Variants in MAD1L1 observed in about 807,000 individuals in gnomAD.
MAD1L1 encodes the protein mitotic arrest deficient 1 like 1, also known as mitotic spindle assembly checkpoint protein MAD1.
In MAD1L1, 95 loss-of-function variants were observed where a neutral mutation model predicts 96.9. The ratio of observed to expected loss-of-function variants is 0.98; its 90% CI spans 0.83 to 1.16. MAD1L1 has a LOEUF of 1.16. MAD1L1 is among the 50% of genes most tolerant of loss of function. The pLI, the probability that MAD1L1 is intolerant of heterozygous loss-of-function variation, is 0.00. For synonymous variants in MAD1L1, 473 were observed against 396.6 expected (o/e 1.19, Z -2.29); for missense variants, 1,007 against 954.4 (o/e 1.06, Z -0.73).
chr7:2,154,444 T>A (rs1052677064), intron 10 of MAD1L1, among the ~76,000 whole-genome samples: 9 of 151,964 alleles, frequency 5.9e-5, no homozygotes, highest in Non-Finnish European at 1.0e-4. Flanking sequence ...GTGACTAGAG[T>A]TAACAGTGTA....
At position 2,223,993 on chromosome 7, in the gene MAD1L1, G is replaced by C. The variant is rs377189454; in HGVS notation, c.292-1239C>G. Reference sequence around the variant, plus strand: ...GCTGGAGCTCAGCAGGGAGCCCCAGGTGTAAGCCCAGTCACCTGCATCCTT... The same window carrying C: ...GCTGGAGCTCAGCAGGGAGCCCCAGCTGTAAGCCCAGTCACCTGCATCCTT... On this transcript the variant is annotated intron_variant, in intron 4 of 18. Transcript: ENST00000265854. Among the ~76,000 whole-genome samples, 40 of 152,298 alleles carry C rather than the reference G, an allele frequency of 2.6e-4. No individual in the cohort carries two copies. The East Asian group carries it at 7.5e-3, about 29-fold the overall frequency.
intron 11 of MAD1L1, among the ~76,000 whole-genome samples, chr7:2,080,637 G>A (rs1240053369): frequency 6.6e-6 from 1 of 151,554 alleles, no homozygotes; most frequent in Non-Finnish European, 1.5e-5. Context: ...GAACAGCGCT[G>A]GGCTCTGACG....
intron 10 of MAD1L1, among the ~76,000 whole-genome samples, chr7:2,189,538 A>G (rs1791618516): frequency 6.6e-6 from 1 of 152,232 alleles, no homozygotes; most frequent in South Asian, 2.1e-4. Flanking sequence ...GAAATAAGCC[A>G]GTCACATAAG....
chr7:1,844,122 C>CA (rs1783446809), intron 18 of MAD1L1: 2 of 154,492 alleles, frequency 1.3e-5, no homozygotes, highest in Admixed American at 1.3e-4. Flanking sequence ...TGGCTGGTGT[C>CA]ACGGAGCCTC....
chr7:1,870,805 G>A (rs1351963547), intron 18 of MAD1L1, among the ~76,000 whole-genome samples: 3 of 72,682 alleles, frequency 4.1e-5, no homozygotes, highest in African/African-American at 7.7e-5. Flanking sequence ...CCCAACATAT[G>A]CCTGCCACGC....
At chr7:1,928,321 CGGTCCCT>C (rs1789215289) in intron 17 of MAD1L1, among the ~76,000 whole-genome samples, 2 of 151,668 alleles carry the variant, frequency 1.3e-5, no homozygotes, top group African/African-American at 4.9e-5. Context: ...GACGACCCGC[CGGTCCCT>C]AGAGGAGCCC....
In MAD1L1 at chr7:2,014,627, G is replaced by A. The variant is rs200755320; in HGVS notation, c.1234C>T (p.Arg412Trp). The change falls in exon 13 of 19, where the codon CGG becomes TGG. Residue 412 changes from arginine (R) to tryptophan (W), a missense_variant. By Grantham distance (101) the Arg-to-Trp change is moderately radical. Transcript: ENST00000265854. ...CTGTCGTAGGACCCCAGGATGGCCC[G>A]CATACCGTCCCGCTCCTGTGGACAC... ...LLLTKERDGM[R>W]AILGSYDSEL... 14 of 1,611,074 alleles carry A rather than the reference G, an allele frequency of 8.7e-6. No individual in the cohort carries two copies. Among genetic ancestry groups the A allele is most frequent in the Non-Finnish European group, 1.1e-5 (13 of 1,179,132 alleles).
chr7:2,087,984 C>A (rs181728680), intron 11 of MAD1L1, among the ~76,000 whole-genome samples: 2 of 152,312 alleles, frequency 1.3e-5, no homozygotes, highest in African/African-American at 4.8e-5. Flanking sequence ...AGCAAAGCTG[C>A]CACTTCCCCT....
At chr7:2,199,627 G>A (rs144900170) in intron 10 of MAD1L1, among the ~76,000 whole-genome samples, 51 of 152,346 alleles carry the variant, frequency 3.3e-4, no homozygotes, top group Admixed American at 2.9e-3. Flanking sequence ...GCAGTGCCCC[G>A]CCTGGCACGG....
At chr7:2,015,771 G>A (rs147386743) in intron 12 of MAD1L1, among the ~76,000 whole-genome samples, 1 of 152,364 alleles carries the variant, frequency 6.6e-6, no homozygotes, top group East Asian at 1.9e-4. Flanking sequence ...CACCCACCCA[G>A]GTGTGCGGGA....
At chr7:2,213,465 C>T (rs1222850841) in intron 9 of MAD1L1, among the ~76,000 whole-genome samples, 192 bp from the exon 10 acceptor site, 3 of 152,226 alleles carry the variant, frequency 2.0e-5, no homozygotes, top group Admixed American at 6.5e-5. Flanking sequence ...GCAGAAGCCA[C>T]ACTGGCGCTT....
At chr7:2,045,452 C>T (rs1364119514) in intron 12 of MAD1L1, among the ~76,000 whole-genome samples, 1 of 152,174 alleles carries the variant, frequency 6.6e-6, no homozygotes, top group African/African-American at 2.4e-5. Context: ...CTATCCCTCT[C>T]GGGAGCCCGC....
chr7:2,156,695 C>T (rs1470951379), intron 10 of MAD1L1, among the ~76,000 whole-genome samples: 5 of 151,928 alleles, frequency 3.3e-5, no homozygotes, highest in African/African-American at 1.2e-4. Flanking sequence ...GTGGCAGGTG[C>T]CTGTAATCCC....
At chr7:2,069,013 A>T (rs1785004624) in intron 12 of MAD1L1, among the ~76,000 whole-genome samples, 181 bp downstream of exon 12, 1 of 152,324 alleles carries the variant, frequency 6.6e-6, no homozygotes, top group South Asian at 2.1e-4. Flanking sequence ...AGAGTCCCAC[A>T]GGGAGCACCG....
chr7:2,212,745 C>T (rs1203134267), intron 10 of MAD1L1, among the ~76,000 whole-genome samples: 3 of 152,202 alleles, frequency 2.0e-5, no homozygotes, highest in Non-Finnish European at 4.4e-5. Context: ...TCCACCTCTT[C>T]TCTTCATAAT....
intron 11 of MAD1L1, among the ~76,000 whole-genome samples, chr7:2,132,420 C>A (rs1011394646): frequency 2.0e-5 from 3 of 149,954 alleles, no homozygotes; most frequent in Admixed American, 6.7e-5. Context: ...CGGTTCACTG[C>A]TGCGTGCGAC....
intron 12 of MAD1L1, among the ~76,000 whole-genome samples, chr7:2,046,053 G>T (rs1028155301): frequency 1.3e-5 from 2 of 152,190 alleles, no homozygotes; most frequent in African/African-American, 4.8e-5. Flanking sequence ...GAGTGCTGCA[G>T]TGGCCACCTC....
At chr7:2,007,006 C>T (rs569824481) in intron 13 of MAD1L1, among the ~76,000 whole-genome samples, 30 of 152,116 alleles carry the variant, frequency 2.0e-4, no homozygotes, top group Middle Eastern at 3.4e-3. Context: ...TCCCCCAGGA[C>T]GCAGGCCGGG....
At chr7:2,024,315 C>A (rs1267412356) in intron 12 of MAD1L1, among the ~76,000 whole-genome samples, 1 of 152,218 alleles carries the variant, frequency 6.6e-6, no homozygotes, top group Non-Finnish European at 1.5e-5. Flanking sequence ...AGGAAGAGAT[C>A]ACATGAATCG....
Sources: allele counts gnomAD v4.1 joint callset (sites outside exome capture counted in the v4.1 genomes callset), GRCh38; gene constraint gnomAD v4.1.1; transcripts MANE v1.5; gene names NCBI Gene and HGNC (gene_info 2026-07-23, HGNC 2026-07-21).